Variants in ADAM29 observed in about 807,000 individuals in gnomAD.
The protein encoded by ADAM29 is ADAM metallopeptidase domain 29, also known as disintegrin and metalloproteinase domain-containing protein 29.
For synonymous variants in ADAM29, 367 were observed against 342.3 expected (o/e 1.07, Z -0.80); for missense variants, 969 against 1,001.8 (o/e 0.97, Z 0.44).
chr4:174,958,356 A>G (rs28718530), intron 4 of ADAM29, among the ~76,000 whole-genome samples: 66,349 of 151,496 alleles, frequency 0.44, 15,454 homozygotes, highest in African/African-American at 0.6. Context: ...ATACCAGTTA[A>G]GGTTGTGTTC....
At chr4:174,950,918 C>G (rs1364408584) in intron 4 of ADAM29, among the ~76,000 whole-genome samples, 1 of 152,130 alleles carries the variant, frequency 6.6e-6, no homozygotes. Flanking sequence ...CCTGCTCCCC[C>G]ATGGTAAAAC....
chr4:174,961,750 ATTCT>A (rs1478945191), intron 4 of ADAM29, among the ~76,000 whole-genome samples: 1 of 152,168 alleles, frequency 6.6e-6, no homozygotes, highest in African/African-American at 2.4e-5. Context: ...GCTAACAGCA[ATTCT>A]TTCTTGTTTT....
intron 4 of ADAM29, among the ~76,000 whole-genome samples, chr4:174,950,239 C>T (rs1394151276): frequency 6.6e-6 from 1 of 152,140 alleles, no homozygotes; most frequent in East Asian, 1.9e-4. Flanking sequence ...CTCTCAATCC[C>T]ATTCTTTATA....
chr4:174,977,981 C>T lies in ADAM29; in HGVS notation c.2456C>T (p.Pro819Leu). The T allele has an allele frequency of 6.3e-7, 1 of 1,591,750 alleles. No homozygotes were observed. Among genetic ancestry groups the T allele is most frequent in the East Asian group, 2.3e-5 (1 of 43,516 alleles). ...TCCCAGAGTCAACCTCCTGTGACGC[C>T]CTCCTAGAGCCAACCTCAGTTGATG... ...MPSQSQPPVT[P>L]S is the part of the protein sequence containing the mutation. The change falls in exon 5 of 5, where the codon CCC (proline) becomes CTC (leucine). Residue 819 changes from proline to leucine, a missense_variant. Pro to Leu is a moderately conservative substitution (Grantham distance 98). Coordinates refer to ENST00000359240, the MANE Select transcript of ADAM29 (RefSeq NM_014269.4).
At position 174,976,693 on chromosome 4, in the gene ADAM29, C is replaced by T. The variant is rs750954315; in HGVS notation, c.1168C>T (p.His390Tyr). 2 of 1,613,986 alleles carry T rather than the reference C, an allele frequency of 1.2e-6. No individual in the cohort carries two copies. Residue 390 changes from histidine to tyrosine, a missense_variant, in exon 5 of 5, where the codon CAC (histidine) becomes TAC (tyrosine). His to Tyr is a moderately conservative substitution (Grantham distance 83, BLOSUM62 2). Transcript: ENST00000359240. ...ERTKCLLETVHTKDIFNVKRC... is the reference protein window; with the variant it reads ...ERTKCLLETVYTKDIFNVKRC... ...GACAAAGTGTTTGCTTGAAACAGTA[C>T]ACACAAAGGACATCTTTAATGTGAA... is the stretch of plus-strand genomic sequence containing the variant.
intron 4 of ADAM29, among the ~76,000 whole-genome samples, chr4:174,974,622 A>T (rs1407638019): frequency 6.6e-6 from 1 of 152,214 alleles, no homozygotes; most frequent in Admixed American, 6.5e-5. Context: ...ATAAAGTGTA[A>T]ACATATTTTG....
rs776510915 is a variant in ADAM29 at position 174,976,567 on chromosome 4, C to T, written c.1042C>T (p.Arg348Cys). The T allele has an allele frequency of 1.9e-6, 3 of 1,600,408 alleles. No homozygotes were observed. Among genetic ancestry groups the T allele is most frequent in the East Asian group, 4.5e-5 (2 of 44,810 alleles). Residue 348 changes from arginine to cysteine, a missense_variant, in exon 5 of 5, where the codon CGT becomes TGT. Coordinates refer to ENST00000359240, the MANE Select transcript of ADAM29 (RefSeq NM_014269.4). ...LGMNHDEDTCRCSQPRCIMHE... is the reference protein window; with the variant it reads ...LGMNHDEDTCCCSQPRCIMHE... ...CATGAACCATGATGAGGATACATGT[C>T]GTTGTTCACAACCTAGATGCATAAT...
chr4:174,945,233 A>G (rs545004907), intron 4 of ADAM29, among the ~76,000 whole-genome samples: 4 of 152,060 alleles, frequency 2.6e-5, no homozygotes, highest in African/African-American at 9.6e-5. Flanking sequence ...TTTGATTTGC[A>G]TTTATCTAAT....
rs772637758 is a variant in ADAM29, at chr4:174,977,146, T to C, written c.1621T>C (p.Tyr541His). The change falls in exon 5 of 5, where the codon TAT becomes CAT. Residue 541 changes from tyrosine (Y) to histidine (H), a missense_variant. Transcript: ENST00000359240. The part of the protein sequence containing the change: ...VGHCGIKNAT[Y>H]IKCNISDVQC... ...TCACTGTGGTATCAAAAATGCTACA[T>C]ATATAAAGTGTAATATCTCAGATGT... The C allele has an allele frequency of 3.1e-6, 5 of 1,614,160 alleles. No homozygotes were observed. Among genetic ancestry groups the C allele is most frequent in the Non-Finnish European group, 4.2e-6 (5 of 1,180,030 alleles).
In ADAM29 at chr4:174,976,045, C is replaced by T. The variant is rs149968346; in HGVS notation, c.520C>T (p.Arg174Ter). Reference protein sequence around the residue: ...SGFMQNEITCRMEFEEIDNST... With the variant: ...SGFMQNEITC ...ATTTATGCAAAATGAAATAACATGCCGAATGGAATTTGAAGAAATTGATAA... is the reference window on the plus strand; with the variant it reads ...ATTTATGCAAAATGAAATAACATGCTGAATGGAATTTGAAGAAATTGATAA... Residue 174 changes from arginine to a stop codon, truncating the protein, a stop_gained, in exon 5 of 5, where the codon CGA becomes TGA. Coordinates refer to ENST00000359240, the MANE Select transcript of ADAM29 (RefSeq NM_014269.4). LOFTEE classifies it low-confidence loss of function (END_TRUNC). The T allele has an allele frequency of 1.7e-5, 27 of 1,610,790 alleles. No individual in the cohort carries two copies. The highest frequency in any genetic ancestry group is 4.5e-5 in the East Asian group (2 of 44,878).
chr4:174,936,570 C>T (rs1463587866), intron 3 of ADAM29, among the ~76,000 whole-genome samples: 1 of 151,970 alleles, frequency 6.6e-6, no homozygotes, highest in Non-Finnish European at 1.5e-5. Flanking sequence ...ATTGATAAAA[C>T]ATTGCAGTTA....
intron 4 of ADAM29, among the ~76,000 whole-genome samples, chr4:174,956,611 T>C (rs543893922): frequency 1.3e-5 from 2 of 151,980 alleles, no homozygotes; most frequent in South Asian, 2.1e-4. Flanking sequence ...GTGCTTTGCA[T>C]ATAATCATTG....
At position 174,965,393 on chromosome 4, in the gene ADAM29, C is replaced by T. The variant is rs114412781; in HGVS notation, c.-180-9953C>T. Among the ~76,000 whole-genome samples the T allele has an allele frequency of 2.3e-3, 353 of 152,244 alleles. 1 individual carries two copies. Among genetic ancestry groups the T allele is most frequent in the Middle Eastern group, 0.02 (6 of 294 alleles). ...GTCTACCCCCATGATCTGAACATCACATACCAGGCCTCACTTCCAATACTA... is the reference window on the plus strand; with the variant it reads ...GTCTACCCCCATGATCTGAACATCATATACCAGGCCTCACTTCCAATACTA... On this transcript the variant is annotated intron_variant, in intron 4 of 4. Transcript: ENST00000359240.
intron 4 of ADAM29, among the ~76,000 whole-genome samples, chr4:174,963,953 G>T (rs1161623803): frequency 6.6e-6 from 1 of 152,136 alleles, no homozygotes; most frequent in African/African-American, 2.4e-5. Context: ...ACAGGCATGA[G>T]CCACTGTGCC....
chr4:174,964,824 A>G (rs1030627611), intron 4 of ADAM29, among the ~76,000 whole-genome samples: 4 of 152,104 alleles, frequency 2.6e-5, no homozygotes, highest in Admixed American at 1.3e-4. Context: ...TATTTTTTAA[A>G]AGATGATTTA....
intron 4 of ADAM29, among the ~76,000 whole-genome samples, chr4:174,955,960 G>A (rs1169011084): frequency 3.3e-5 from 5 of 151,988 alleles, no homozygotes; most frequent in Non-Finnish European, 7.4e-5. Flanking sequence ...GATGCATTTT[G>A]ATTATGATAC....
At chr4:174,952,170 T>A (rs958659229) in intron 4 of ADAM29, among the ~76,000 whole-genome samples, 1 of 152,128 alleles carries the variant, frequency 6.6e-6, no homozygotes, top group African/African-American at 2.4e-5. Context: ...GAAAACAACC[T>A]TATTGACTTT....
At chr4:174,958,961 T>C (rs1745658208) in intron 4 of ADAM29, among the ~76,000 whole-genome samples, 1 of 145,564 alleles carries the variant, frequency 6.9e-6, no homozygotes, top group South Asian at 2.3e-4. Flanking sequence ...TACTTACTTA[T>C]ATTCTTGAAT....
intron 4 of ADAM29, among the ~76,000 whole-genome samples, chr4:174,961,175 A>T (rs1745798079): frequency 6.6e-6 from 1 of 152,000 alleles, no homozygotes; most frequent in African/African-American, 2.4e-5. Context: ...TTGTCTTTTG[A>T]CACATTTATG....
Sources: gnomAD v4.1 joint callset for allele counts (sites outside exome capture counted in the v4.1 genomes callset) on GRCh38, gnomAD v4.1.1 for gene constraint, MANE v1.5 for transcripts, NCBI Gene and HGNC (gene_info 2026-07-23, HGNC 2026-07-21) for gene names.